Variants in AATF observed in about 807,000 individuals in gnomAD.
AATF encodes protein AATF.
AATF carries 48 observed loss-of-function variants against 63.7 expected under a neutral mutation model. That is an observed-to-expected ratio of 0.75 (90% CI 0.60 to 0.96). The LOEUF is 0.96. Among genes scored for constraint, AATF ranks in the 40% least tolerant of loss-of-function variants. The pLI is 0.00. For synonymous variants in AATF, 258 were observed against 247.7 expected (o/e 1.04, Z -0.39); for missense variants, 639 against 685.7 (o/e 0.93, Z 0.76).
intron 11 of AATF, among the ~76,000 whole-genome samples, chr17:37,042,440 G>A (rs1049550713): frequency 2.1e-4 from 31 of 151,050 alleles, no homozygotes; most frequent in African/African-American, 7.3e-4. Flanking sequence ...CAAAAGACAA[G>A]GTTTTACTCT....
intron 11 of AATF, among the ~76,000 whole-genome samples, chr17:37,035,028 G>A (rs1319637358): frequency 6.6e-6 from 1 of 151,154 alleles, no homozygotes; most frequent in Non-Finnish European, 1.5e-5. Context: ...GGAGGCTGAG[G>A]CAGGAGAATG....
chr17:37,041,260 T>C (rs550430222), intron 11 of AATF, among the ~76,000 whole-genome samples: 60 of 152,362 alleles, frequency 3.9e-4, no homozygotes, highest in South Asian at 1.4e-3. Flanking sequence ...TAATCTATTA[T>C]GGAATATGTA....
intron 8 of AATF, among the ~76,000 whole-genome samples, chr17:37,012,687 A>T (rs1239482997): frequency 7.9e-5 from 12 of 152,256 alleles, no homozygotes; most frequent in African/African-American, 2.9e-4. Context: ...ATATGTGGTC[A>T]TAAAGCCAAA....
At chr17:37,048,236 A>G (rs917740388) in intron 11 of AATF, among the ~76,000 whole-genome samples, 3 of 151,830 alleles carry the variant, frequency 2.0e-5, no homozygotes, top group Admixed American at 6.6e-5. Context: ...CAGAAATCCT[A>G]AGTTTTCTAC....
At chr17:37,054,081 G>A (rs1446298948) in intron 11 of AATF, among the ~76,000 whole-genome samples, 1 of 151,972 alleles carries the variant, frequency 6.6e-6, no homozygotes, top group Non-Finnish European at 1.5e-5. Flanking sequence ...GTGCCTCCCT[G>A]TACCACCCAG....
At chr17:37,009,389 C>T (rs62069478) in intron 8 of AATF, among the ~76,000 whole-genome samples, 5 of 151,356 alleles carry the variant, frequency 3.3e-5, no homozygotes, top group Non-Finnish European at 7.4e-5. Context: ...AGGTTATCCA[C>T]CCACTTCGGC....
chr17:37,039,769 G>A (rs2071622262), intron 11 of AATF, among the ~76,000 whole-genome samples: 3 of 151,658 alleles, frequency 2.0e-5, no homozygotes, highest in African/African-American at 7.3e-5. Context: ...AACTGGGTTG[G>A]AAAAAAAACA....
chr17:37,052,654 C>T (rs1044352953), intron 11 of AATF: 2 of 152,204 alleles, frequency 1.3e-5, no homozygotes, highest in Non-Finnish European at 2.9e-5. Context: ...AGCTGTCTGC[C>T]CCAGAGCAGG....
At chr17:36,977,492 C>T (rs886447829) in intron 4 of AATF, among the ~76,000 whole-genome samples, 5 of 151,204 alleles carry the variant, frequency 3.3e-5, no homozygotes, top group Admixed American at 3.3e-4. Flanking sequence ...TTTTTAAAGA[C>T]GTTATAATAT....
chr17:37,037,013 T>G (rs1285824664), intron 11 of AATF, among the ~76,000 whole-genome samples: 17 of 150,528 alleles, frequency 1.1e-4, no homozygotes, highest in Admixed American at 5.9e-4. Context: ...TCTTTTTGTT[T>G]TTTTTTTTTT....
intron 4 of AATF, among the ~76,000 whole-genome samples, chr17:36,968,322 A>G (rs1273801279): frequency 1.2e-5 from 1 of 81,398 alleles, no homozygotes; most frequent in Admixed American, 2.1e-4. Context: ...TCACTTTGTC[A>G]CCCAGGCTTG....
At position 36,994,108 on chromosome 17, in the gene AATF, G is replaced by C. The variant is rs553928162; in HGVS notation, c.1398+3251G>C. ...ATCTTATCATTTTTAGAGCTGAAAA[G>C]AACCTTAGAAGAAACTGACACCCTG... On this transcript the variant is annotated intron_variant, in intron 8 of 11. Coordinates refer to ENST00000619387, the MANE Select transcript of AATF (RefSeq NM_012138.4). Among the ~76,000 whole-genome samples the C allele has an allele frequency of 5.9e-5, 9 of 152,238 alleles. No individual in the cohort carries two copies. In the South Asian group the frequency reaches 1.9e-3, roughly 32 times the overall value.
chr17:36,967,206 T>A (rs1475256707), intron 4 of AATF, among the ~76,000 whole-genome samples: 1 of 152,134 alleles, frequency 6.6e-6, no homozygotes. Context: ...CATGCATACT[T>A]TCTGGTTATG....
intron 1 of AATF, 89 bp downstream of exon 1, chr17:36,949,305 C>A: frequency 7.9e-7 from 1 of 1,270,528 alleles, no homozygotes; most frequent in Non-Finnish European, 1.1e-6. Context: ...GTGCGCGAGG[C>A]CGCCGGGCCT....
At chr17:36,993,311 C>A (rs975165718) in intron 8 of AATF, among the ~76,000 whole-genome samples, 5 of 152,292 alleles carry the variant, frequency 3.3e-5, no homozygotes, top group Non-Finnish European at 7.3e-5. Context: ...TTTTCCTCCC[C>A]CTCCCAAATA....
intron 8 of AATF, among the ~76,000 whole-genome samples, chr17:37,003,845 G>A (rs142191582): frequency 0.038 from 5,689 of 150,684 alleles, 354 homozygotes; most frequent in African/African-American, 0.13. Flanking sequence ...GCTCACACCT[G>A]TAATCCCAGT....
chr17:37,041,490 G>A (rs564279769), intron 11 of AATF, among the ~76,000 whole-genome samples: 2 of 152,158 alleles, frequency 1.3e-5, no homozygotes, highest in African/African-American at 4.8e-5. Flanking sequence ...TCTTTGCTAA[G>A]CTGGAGAGCT....
intron 4 of AATF, among the ~76,000 whole-genome samples, chr17:36,981,487 G>A (rs758195155): frequency 2.0e-5 from 3 of 150,438 alleles, no homozygotes; most frequent in Non-Finnish European, 3.0e-5. Flanking sequence ...TTCGTTACCC[G>A]GACTTGAGTG....
At chr17:37,028,458 A>T (rs988700815) in intron 10 of AATF, among the ~76,000 whole-genome samples, 1 of 152,052 alleles carries the variant, frequency 6.6e-6, no homozygotes, top group Non-Finnish European at 1.5e-5. Flanking sequence ...CACCAACAAA[A>T]AAACAAGGAT....
Sources: allele counts gnomAD v4.1 joint callset (sites outside exome capture counted in the v4.1 genomes callset), GRCh38; gene constraint gnomAD v4.1.1; transcripts MANE v1.5; gene names NCBI Gene and HGNC (gene_info 2026-07-23, HGNC 2026-07-21).